Variants in C3orf22 observed in about 807,000 individuals in gnomAD.
The protein encoded by C3orf22 is chromosome 3 open reading frame 22.
In C3orf22, 7 loss-of-function variants were observed where a neutral mutation model predicts 10.8. The observed-to-expected ratio is 0.65, with a 90% CI of 0.37 to 1.22. The LOEUF (loss-of-function observed/expected upper bound fraction) is 1.22, where lower values mean the gene tolerates loss of function less well. Ranked by LOEUF, C3orf22 falls within the 50% of genes most tolerant of loss-of-function variation. The pLI is 0.02. For synonymous variants in C3orf22, 79 were observed against 78.9 expected, an observed-to-expected ratio of 1.00 and a Z score of 0.00; for missense variants, 173 against 177.0, an observed-to-expected ratio of 0.98 and a Z score of 0.13.
chr3:126,542,236 C>T (rs1367328889), intron 4 of C3orf22: 11 of 1,524,204 alleles, frequency 7.2e-6, no homozygotes, highest in Non-Finnish European at 9.6e-6. Flanking sequence ...TCGCGGAGTT[C>T]CTGGCCTACC....
chr3:126,551,877 G>A (rs1937195063), intron 3 of C3orf22, 120 bp downstream of exon 3: 1 of 1,140,574 alleles, frequency 8.8e-7, no homozygotes, highest in African/African-American at 1.6e-5. Flanking sequence ...AGTTTCCTCA[G>A]CTTTAAAGTG....
At chr3:126,531,614 G>A (rs1180565856) in intron 4 of C3orf22, among the ~76,000 whole-genome samples, 2 of 152,192 alleles carry the variant, frequency 1.3e-5, no homozygotes, top group South Asian at 4.1e-4. Context: ...CGTTTACAAG[G>A]TTCAGCCACA....
intron 2 of C3orf22, 32 bp downstream of exon 2, chr3:126,553,270 G>A (rs1377211586): frequency 1.3e-6 from 2 of 1,491,894 alleles, no homozygotes; most frequent in Non-Finnish European, 9.4e-7. Flanking sequence ...GGGGAGGCAG[G>A]GCTTGTCTCC....
At chr3:126,543,953 G>A (rs919990296) in intron 4 of C3orf22, among the ~76,000 whole-genome samples, 4 of 152,204 alleles carry the variant, frequency 2.6e-5, no homozygotes, top group South Asian at 2.1e-4. Context: ...GACATACAAA[G>A]CCCAGGGCCT....
At chr3:126,542,046 G>A (rs369350672) in intron 4 of C3orf22, 9 of 1,575,828 alleles carry the variant, frequency 5.7e-6, no homozygotes, top group Non-Finnish European at 6.0e-6. Flanking sequence ...CGGCGCCTGC[G>A]CGCCTACTTG....
chr3:126,529,389 G>C (rs781528562), intron 4 of C3orf22: 4 of 1,289,244 alleles, frequency 3.1e-6, no homozygotes, highest in Non-Finnish European at 4.0e-6. Flanking sequence ...ATGCCGCAAG[G>C]GGGGACAGGT....
At chr3:126,549,208 TCTC>T (rs2107578418), downstream of C3orf22, among the ~76,000 whole-genome samples, 1 of 150,896 alleles carries the variant, frequency 6.6e-6, no homozygotes, top group Non-Finnish European at 1.5e-5. Flanking sequence ...GGTCCCCCAT[TCTC>T]CTCCTCAAAG....
intron 4 of C3orf22, among the ~76,000 whole-genome samples, chr3:126,533,276 C>T (rs1936695667): frequency 6.6e-6 from 1 of 152,300 alleles, no homozygotes; most frequent in South Asian, 2.1e-4. Flanking sequence ...ATTAATAGAA[C>T]TGGCAAAAGC....
At chr3:126,542,680 C>G in intron 4 of C3orf22, 4 of 1,362,932 alleles carry the variant, frequency 2.9e-6, no homozygotes, top group Non-Finnish European at 3.8e-6. Flanking sequence ...TCAAGAGCCA[C>G]TGCGTGCACT....
chr3:126,543,119 C>T (rs965948915), intron 4 of C3orf22: 1 of 152,296 alleles, frequency 6.6e-6, no homozygotes, highest in South Asian at 2.1e-4. Flanking sequence ...CCTCTCCTCT[C>T]CCACGCGGCT....
chr3:126,533,535 G>A (rs547088119), intron 4 of C3orf22, among the ~76,000 whole-genome samples: 1 of 152,168 alleles, frequency 6.6e-6, no homozygotes. Context: ...TGATTGATTT[G>A]TGTATATTTA....
chr3:126,550,097 G>A lies in C3orf22; in HGVS notation c.216-19C>T, dbSNP rs1462364099. On this transcript the variant is annotated intron_variant, in intron 3 of 3. Coordinates refer to ENST00000318225, the MANE Select transcript of C3orf22 (RefSeq NM_152533.3). ...CCCGAGCCTAGAGAAGCCACACAGA[G>A]CCACGCCTGGCCTTCAGGACCCCTG... is the stretch of plus-strand genomic sequence containing the variant. The A allele has an allele frequency of 6.2e-7, 1 of 1,612,578 alleles. No homozygotes were observed. Among genetic ancestry groups the A allele is most frequent in the East Asian group, 2.2e-5 (1 of 44,874 alleles).
chr3:126,552,982 C>T (rs9863024), intron 2 of C3orf22, among the ~76,000 whole-genome samples: 19,755 of 152,266 alleles, frequency 0.13, 1,642 homozygotes, highest in African/African-American at 0.23. Context: ...CAATGGGTGC[C>T]CAGCACACCA....
chr3:126,535,569 C>CAGAT (rs1560140077), intron 4 of C3orf22, among the ~76,000 whole-genome samples: 6 of 145,126 alleles, frequency 4.1e-5, no homozygotes, highest in African/African-American at 1.6e-4. Context: ...GACAGACAGA[C>CAGAT]AGACAGCATC....
chr3:126,548,713 G>A (rs529553542), downstream of C3orf22, among the ~76,000 whole-genome samples: 17 of 152,214 alleles, frequency 1.1e-4, no homozygotes, highest in Middle Eastern at 3.4e-3. Context: ...AGTGCAGCCC[G>A]GTCACCCTTC....
chr3:126,549,666 G>A (rs1937135037), downstream of C3orf22: 1 of 1,522,854 alleles, frequency 6.6e-7, no homozygotes, highest in Admixed American at 2.0e-5. Context: ...GGCTCAGGGA[G>A]GCAAAGTGAT....
At chr3:126,529,443 A>T in intron 4 of C3orf22, 1 of 1,255,222 alleles carries the variant, frequency 8.0e-7, no homozygotes, top group South Asian at 1.3e-5. Flanking sequence ...CATGGGTGTT[A>T]AGGGTGCAGA....
At chr3:126,542,188 G>A in intron 4 of C3orf22, 5 of 1,438,426 alleles carry the variant, frequency 3.5e-6, no homozygotes, top group South Asian at 1.4e-5. Flanking sequence ...GGCCGCGCGC[G>A]CTCCCCGACG....
intron 4 of C3orf22, among the ~76,000 whole-genome samples, chr3:126,538,496 C>T (rs1048107113): frequency 4.7e-4 from 72 of 152,370 alleles, no homozygotes; most frequent in African/African-American, 1.7e-3. Context: ...TCAGCAACGA[C>T]ACACGAAGCT....
Sources: allele counts gnomAD v4.1 joint callset (sites outside exome capture counted in the v4.1 genomes callset), GRCh38; gene constraint gnomAD v4.1.1; transcripts MANE v1.5; gene names NCBI Gene and HGNC (gene_info 2026-07-23, HGNC 2026-07-21).